The following AANAT variants were observed in gnomAD, a reference collection of about 807,000 sequenced individuals.
AANAT encodes the protein aralkylamine N-acetyltransferase.
AANAT carries 11 observed loss-of-function variants against 15.6 expected under a neutral mutation model. The observed-to-expected ratio is 0.71, with a 90% CI of 0.44 to 1.17. The LOEUF is 1.17. Ranked by LOEUF, AANAT falls within the 50% of genes most tolerant of loss-of-function variation. The pLI is 0.00. For synonymous variants in AANAT, 139 were observed against 131.5 expected, an observed-to-expected ratio of 1.06 and a Z score of -0.39; for missense variants, 286 against 296.3, an observed-to-expected ratio of 0.97 and a Z score of 0.26.
upstream of AANAT, among the ~76,000 whole-genome samples, chr17:76,463,816 A>G (rs894009282): frequency 3.3e-5 from 5 of 152,120 alleles, no homozygotes; most frequent in African/African-American, 1.2e-4. Flanking sequence ...CTTGGTTCTC[A>G]GCTTTCGTGT....
rs754521929 is a variant in AANAT at position 76,468,900 on chromosome 17, G to C, written c.154G>C (p.Glu52Gln). The C allele has an allele frequency of 1.1e-5, 17 of 1,613,112 alleles. No individual in the cohort carries two copies. The highest frequency in any genetic ancestry group is 2.2e-5 in the East Asian group (1 of 44,862). ...PEDAVSAFEI[E>Q]REAFISVLGV... ...GGACGCTGTCAGCGCCTTTGAGATC[G>C]AGCGTGAAGGTGAGTGGCCCCGCAC... The change falls in exon 2 of 4, where the codon GAG becomes CAG. Residue 52 changes from glutamate to glutamine, a missense_variant. Coordinates refer to ENST00000392492, the MANE Select transcript of AANAT (RefSeq NM_001088.3).
chr17:76,463,849 CCTT>C (rs1418493394), upstream of AANAT, among the ~76,000 whole-genome samples: 1 of 152,178 alleles, frequency 6.6e-6, no homozygotes, highest in Non-Finnish European at 1.5e-5. Context: ...CCTCTCAGAA[CCTT>C]TTTTACTGTC....
rs34470791 is a variant in AANAT, at chr17:76,468,789, C to T, written c.43C>T (p.Arg15Cys). 1.7e-5 allele frequency: 27 copies of T among 1,613,382 alleles called. No individual in the cohort carries two copies. The highest frequency in any genetic ancestry group is 3.3e-5 in the South Asian group (3 of 91,052). ...STHPLKPEAP[R>C]LPPGIPESPS... ...CCACCCCCTGAAACCTGAGGCCCCA[C>T]GTCTGCCACCTGGGATCCCCGAGTC... is the stretch of plus-strand genomic sequence containing the variant. Residue 15 changes from arginine to cysteine, a missense_variant, in exon 2 of 4, where the codon CGT (arginine) becomes TGT (cysteine). Transcript: ENST00000392492.
At chr17:76,464,132 G>A (rs2073415314), upstream of AANAT, among the ~76,000 whole-genome samples, 1 of 152,146 alleles carries the variant, frequency 6.6e-6, no homozygotes, top group Admixed American at 6.5e-5. Flanking sequence ...CCTGAGTTCA[G>A]GAGTTTGAGA....
At chr17:76,458,713 C>G (rs1413742740) in intron 1 of AANAT, among the ~76,000 whole-genome samples, 1 of 152,216 alleles carries the variant, frequency 6.6e-6, no homozygotes, top group African/African-American at 2.4e-5. Context: ...TCTCTGGACC[C>G]ACAAAGTATG....
At chr17:76,464,687 G>A (rs974615782), upstream of AANAT, among the ~76,000 whole-genome samples, 1 of 152,010 alleles carries the variant, frequency 6.6e-6, no homozygotes, top group Non-Finnish European at 1.5e-5. Context: ...ACAGGCATGA[G>A]CCACGACGTC....
chr17:76,462,468 G>C (rs937302578), exon 3 of AANAT: 11 of 152,320 alleles, frequency 7.2e-5, no homozygotes, highest in African/African-American at 2.6e-4. Context: ...CAAGGTTGAT[G>C]CAGGACAAAG....
At chr17:76,456,394 C>T (rs2073343988) in intron 1 of AANAT, among the ~76,000 whole-genome samples, 1 of 151,350 alleles carries the variant, frequency 6.6e-6, no homozygotes, top group African/African-American at 2.4e-5. Flanking sequence ...CTTAAGATGT[C>T]TTAGGCCAAG....
At chr17:76,464,567 T>C (rs541780339), upstream of AANAT, among the ~76,000 whole-genome samples, 1 of 152,064 alleles carries the variant, frequency 6.6e-6, no homozygotes, top group Admixed American at 6.5e-5. Context: ...TGGTACACAC[T>C]GGGCAGGGAG....
Position 76,470,001 on chromosome 17 carries a change from T to G in AANAT, c.*31T>G, listed in dbSNP as rs1037630857. On this transcript the variant is annotated 3_prime_UTR_variant, in exon 4 of 4. Coordinates refer to ENST00000392492, the MANE Select transcript of AANAT (RefSeq NM_001088.3). ...GCTGCCCACCTGGCTGCCAACATGA[T>G]CCCCGTCTCTGCCCTGGGCTCCTCT... 1 of 1,446,436 alleles carries G rather than the reference T, an allele frequency of 6.9e-7. No individual in the cohort carries two copies. 89.6% of individuals were successfully genotyped at this position (1,446,436 alleles called of 1,614,324 possible). A position where few individuals can be genotyped will look rare whatever the true frequency, so the allele number is the denominator to read the frequency against.
chr17:76,467,385 C>T (rs1321863107), upstream of AANAT, among the ~76,000 whole-genome samples: 5 of 152,122 alleles, frequency 3.3e-5, no homozygotes, highest in Admixed American at 6.5e-5. Flanking sequence ...TAGAGATGGA[C>T]CCCTGAGGCT....
At position 76,469,189 on chromosome 17, in the gene AANAT, G is replaced by C. The variant is rs1411203840; in HGVS notation, c.180G>C (p.Leu60Phe). Residue 60 changes from leucine to phenylalanine, a missense_variant, in exon 3 of 4, where the codon TTG (leucine) becomes TTC (phenylalanine). By Grantham distance (22) the Leu-to-Phe change is conservative. Coordinates refer to ENST00000392492, the MANE Select transcript of AANAT (RefSeq NM_001088.3). The surrounding 1 kb of genome is among the most constrained non-coding windows in gnomAD (Gnocchi z 5.2). ...EIEREAFISV[L>F]GVCPLYLDEI... ...CTGCCACAGCCTTCATCTCCGTCTT[G>C]GGCGTCTGCCCCCTGTACCTGGATG... The C allele has an allele frequency of 6.8e-6, 11 of 1,614,088 alleles. No homozygotes were observed. Among genetic ancestry groups the C allele is most frequent in the South Asian group, 1.1e-5 (1 of 91,086 alleles).
chr17:76,466,836 C>T (rs2073443363), upstream of AANAT, among the ~76,000 whole-genome samples: 1 of 152,084 alleles, frequency 6.6e-6, no homozygotes, highest in African/African-American at 2.4e-5. Flanking sequence ...AGGAAGGACC[C>T]TCAGAGGTCC....
chr17:76,464,890 G>A (rs2073422521), upstream of AANAT, among the ~76,000 whole-genome samples: 2 of 151,772 alleles, frequency 1.3e-5, no homozygotes, highest in South Asian at 4.2e-4. Flanking sequence ...CTGCTTCCTG[G>A]GTTCAAGCAA....
chr17:76,467,001 G>A (rs932561966), upstream of AANAT, among the ~76,000 whole-genome samples: 2 of 152,114 alleles, frequency 1.3e-5, no homozygotes, highest in African/African-American at 4.8e-5. Context: ...GGCGAGAGAA[G>A]AGCTAAGGGG....
At chr17:76,461,622 A>G (rs939658936) in intron 2 of AANAT, among the ~76,000 whole-genome samples, 2 of 151,166 alleles carry the variant, frequency 1.3e-5, no homozygotes, top group African/African-American at 4.9e-5. Flanking sequence ...AAAAAAAAAA[A>G]AAAAAAAAGG....
chr17:76,453,517 C>T (rs2073302374), exon 1 of AANAT: 1 of 181,716 alleles, frequency 5.5e-6, no homozygotes, highest in Admixed American at 6.2e-5. Context: ...AATGAGCTCC[C>T]TTGGCGTCCT....
intron 2 of AANAT, 83 bp downstream of exon 2, chr17:76,468,992 C>T: frequency 3.3e-6 from 5 of 1,510,836 alleles, no homozygotes; most frequent in Non-Finnish European, 4.5e-6. Flanking sequence ...GTCTCCTGTC[C>T]TTGGAGGCTG....
upstream of AANAT, chr17:76,465,853 T>A (rs1205388278): frequency 5.8e-5 from 18 of 309,018 alleles, no homozygotes; most frequent in Non-Finnish European, 1.0e-4. Flanking sequence ...TTAAAAAAAA[T>A]TTATTTTTAT....
Sources: allele counts gnomAD v4.1 joint callset (sites outside exome capture counted in the v4.1 genomes callset), GRCh38; gene constraint gnomAD v4.1.1; non-coding constraint Gnocchi (gnomAD v3.1); transcripts MANE v1.5; gene names NCBI Gene and HGNC (gene_info 2026-07-23, HGNC 2026-07-21).